KAT6A: variants seen among roughly 807,000 people sequenced by gnomAD.
KAT6A encodes histone acetyltransferase KAT6A.
KAT6A carries 9 observed loss-of-function variants against 198.4 expected under a neutral mutation model. That is an observed-to-expected ratio of 0.05 (90% CI 0.03 to 0.08). The LOEUF (loss-of-function observed/expected upper bound fraction) is 0.08. Among genes scored for constraint, KAT6A ranks in the 10% least tolerant of loss-of-function variants. The pLI is 1.00. For synonymous variants in KAT6A, 890 were observed against 883.0 expected, an observed-to-expected ratio of 1.01 and a Z score of -0.14; for missense variants, 2,077 against 2,509.9, an observed-to-expected ratio of 0.83 and a Z score of 3.69.
intron 8 of KAT6A, among the ~76,000 whole-genome samples, chr8:41,973,091 T>C (rs905204235): frequency 3.9e-5 from 6 of 152,246 alleles, no homozygotes; most frequent in African/African-American, 1.4e-4. Flanking sequence ...GCTGAGTAAA[T>C]GCGTGCTGAG....
chr8:42,025,442 C>G (rs62510287), intron 2 of KAT6A, among the ~76,000 whole-genome samples: 104,385 of 151,392 alleles, frequency 0.69, 36,616 homozygotes, highest in African/African-American at 0.84. Flanking sequence ...CGAACTCCTA[C>G]ACCTCAGGTG....
chr8:41,978,136 C>T (rs1446299402), intron 6 of KAT6A, among the ~76,000 whole-genome samples: 1 of 152,104 alleles, frequency 6.6e-6, no homozygotes, highest in Non-Finnish European at 1.5e-5. Flanking sequence ...ATTTTACATC[C>T]AAAGAACACA....
chr8:42,044,169 A>G (rs1247152604), intron 2 of KAT6A, among the ~76,000 whole-genome samples: 1 of 141,794 alleles, frequency 7.1e-6, no homozygotes, highest in East Asian at 2.1e-4. Context: ...GGCACAATCT[A>G]GGCTCGCTAC....
chr8:41,966,107 C>T (rs909780630), intron 8 of KAT6A, among the ~76,000 whole-genome samples: 1 of 152,036 alleles, frequency 6.6e-6, no homozygotes, highest in East Asian at 1.9e-4. Flanking sequence ...AAAGCTTAAA[C>T]GAGTTGATAT....
At chr8:41,937,859 G>C (rs1564008241) in intron 15 of KAT6A, among the ~76,000 whole-genome samples, 1 of 152,162 alleles carries the variant, frequency 6.6e-6, no homozygotes, top group East Asian at 1.9e-4. Flanking sequence ...ACCCTAGAGA[G>C]TTGCCCTGTT....
chr8:41,979,706 G>A (rs1016952150), intron 5 of KAT6A, among the ~76,000 whole-genome samples: 8 of 151,738 alleles, frequency 5.3e-5, no homozygotes, highest in African/African-American at 1.9e-4. Flanking sequence ...GTAACAATCA[G>A]TAAGTGAATT....
At chr8:42,024,026 A>G (rs1252912598) in intron 2 of KAT6A, among the ~76,000 whole-genome samples, 1 of 152,088 alleles carries the variant, frequency 6.6e-6, no homozygotes, top group Non-Finnish European at 1.5e-5. Context: ...CTTTTGGAAT[A>G]CTTCCTGAGG....
intron 2 of KAT6A, among the ~76,000 whole-genome samples, chr8:42,024,776 T>C (rs1423924126): frequency 6.6e-6 from 1 of 152,234 alleles, no homozygotes; most frequent in Non-Finnish European, 1.5e-5. Flanking sequence ...TCTTTTTTGA[T>C]AGCTGAGTAG....
chr8:41,982,120 G>C (rs187163305), intron 3 of KAT6A, among the ~76,000 whole-genome samples, 166 bp from the exon 4 acceptor site: 2 of 152,070 alleles, frequency 1.3e-5, no homozygotes, highest in East Asian at 3.9e-4. Flanking sequence ...TCAGGACTTG[G>C]CACCACAATT....
chr8:41,946,738 T>C (rs1018724746), intron 11 of KAT6A, 54 bp from the exon 12 acceptor site: 6 of 1,025,784 alleles, frequency 5.8e-6, no homozygotes, highest in African/African-American at 1.7e-5. Context: ...AAGTGAATAA[T>C]AACGTGAATT....
intron 1 of KAT6A, among the ~76,000 whole-genome samples, chr8:42,050,918 C>G (rs1367156509): frequency 6.6e-6 from 1 of 152,150 alleles, no homozygotes; most frequent in Non-Finnish European, 1.5e-5. Context: ...GCGGCTAGAG[C>G]GAGCGCAACT....
rs1181862851 is a variant in KAT6A, at chr8:41,934,561, G to C, written c.3659C>G (p.Pro1220Arg). The C allele has an allele frequency of 6.2e-7, 1 of 1,613,756 alleles. No homozygotes were observed. The highest frequency in any genetic ancestry group is 1.3e-5 in the African/African-American group (1 of 74,828). The change falls in exon 17 of 17, where the codon CCC becomes CGC. Residue 1220 changes from proline to arginine, a missense_variant. Around this residue, in one of 13 missense-constraint regions of KAT6A, gnomAD observed 375 missense variants for 383.0 expected, o/e 0.98. Transcript: ENST00000265713. ...CTCCTCCTCCTCCTTCCTCTCCTCG[G>C]GTAGGGGCATGTCTTCTTTTGGCTC... is the stretch of plus-strand genomic sequence containing the variant. Reference protein sequence around the residue: ...TVEPKEDMPLPEERKEEEEMQ... With the variant: ...TVEPKEDMPLREERKEEEEMQ...
At chr8:41,943,100 GTGC>G in intron 13 of KAT6A, 100 bp from the exon 14 acceptor site, 1 of 1,450,558 alleles carries the variant, frequency 6.9e-7, no homozygotes, top group Non-Finnish European at 9.4e-7. Flanking sequence ...AAGATGATAG[GTGC>G]TGCAAAGATA....
At chr8:42,006,085 C>T (rs893291005) in intron 2 of KAT6A, among the ~76,000 whole-genome samples, 2 of 152,150 alleles carry the variant, frequency 1.3e-5, no homozygotes, top group Non-Finnish European at 2.9e-5. Context: ...CATCAAATAA[C>T]AATTACCTTA....
At position 41,942,848 on chromosome 8, in the gene KAT6A, G is replaced by T. The variant is rs1395935684; in HGVS notation, c.2381C>A (p.Ala794Asp). The T allele has an allele frequency of 6.2e-7, 1 of 1,613,798 alleles. No individual in the cohort carries two copies. Among genetic ancestry groups the T allele is most frequent in the African/African-American group, 1.3e-5 (1 of 74,840 alleles). ...SVVSEEEEEE[A>D]EEGENEEPQC... Reference sequence around the variant, plus strand: ...TGGCTCTTCGTTTTCTCCTTCCTCAGCCTCCTCTTCTTCCTCCTCTGAGAC... The same window carrying T: ...TGGCTCTTCGTTTTCTCCTTCCTCATCCTCCTCTTCTTCCTCCTCTGAGAC... The change falls in exon 14 of 17, where the codon GCT becomes GAT. Residue 794 changes from alanine to aspartate, a missense_variant. Physicochemically the swap from Ala to Asp is moderately radical, Grantham distance 126. Around this residue, in one of 13 missense-constraint regions of KAT6A, gnomAD observed 301 missense variants for 272.2 expected, o/e 1.11. Coordinates refer to ENST00000265713, the MANE Select transcript of KAT6A (RefSeq NM_006766.5).
At chr8:42,046,867 ATG>A (rs1419287705) in intron 2 of KAT6A, among the ~76,000 whole-genome samples, 2 of 152,208 alleles carry the variant, frequency 1.3e-5, no homozygotes, top group Non-Finnish European at 2.9e-5. Flanking sequence ...TCATGACTGT[ATG>A]AGAATCATTT....
Position 42,049,001 on chromosome 8 carries a change from A to G in KAT6A, c.-24T>C. The G allele has an allele frequency of 1.2e-6, 2 of 1,600,176 alleles. No homozygotes were observed. The highest frequency in any genetic ancestry group is 1.7e-6 in the Non-Finnish European group (2 of 1,174,922). ...ATGGTGAAGGATTCTGTATATCCAT[A>G]GAGTCGTTATCCCTTATCCTGATGC... On this transcript the variant is annotated 5_prime_UTR_variant, in exon 2 of 17. Transcript: ENST00000265713.
rs143054275 is a variant in KAT6A at position 42,017,902 on chromosome 8, G to A, written c.601-30339C>T. On this transcript the variant is annotated intron_variant, in intron 2 of 16. Coordinates refer to ENST00000265713, the MANE Select transcript of KAT6A (RefSeq NM_006766.5). ...CCATCTGTTTACTGCTGAACTCACC[G>A]CACTTAGAAGTACCTATCATGTGTC... is the stretch of plus-strand genomic sequence containing the variant. Among the ~76,000 whole-genome samples, 1,265 of 152,228 alleles carry A rather than the reference G, an allele frequency of 8.3e-3. 16 individuals carry two copies. The highest frequency in any genetic ancestry group is 0.029 in the African/African-American group (1,222 of 41,522).
intron 2 of KAT6A, among the ~76,000 whole-genome samples, chr8:42,045,153 C>A (rs899076206): frequency 3.3e-5 from 5 of 152,130 alleles, no homozygotes; most frequent in African/African-American, 1.2e-4. Flanking sequence ...ACAGAGCTCA[C>A]CAACTCTAAT....
Sources: allele counts gnomAD v4.1 joint callset (sites outside exome capture counted in the v4.1 genomes callset), GRCh38; gene constraint gnomAD v4.1.1; regional missense constraint gnomAD v4.1.1; transcripts MANE v1.5; gene names NCBI Gene and HGNC (gene_info 2026-07-23, HGNC 2026-07-21).